ANKS1B: variants seen among roughly 807,000 people sequenced by gnomAD.
ANKS1B encodes ankyrin repeat and sterile alpha motif domain-containing protein 1B.
In ANKS1B, 36 loss-of-function variants were observed where a neutral mutation model predicts 148.3. The observed-to-expected ratio is 0.24, with a 90% CI of 0.19 to 0.32. The LOEUF is 0.32. ANKS1B is among the 10% of genes least tolerant of loss of function. The pLI is 1.00. For missense variants in ANKS1B, 1,157 were observed against 1,542.6 expected, an observed-to-expected ratio of 0.75 and a Z score of 4.19; for synonymous variants, 542 against 560.8, an observed-to-expected ratio of 0.97 and a Z score of 0.47.
intron 17 of ANKS1B, among the ~76,000 whole-genome samples, chr12:98,880,707 GCAGTGAGCCGAGATCGCGC>G (rs2099705249): frequency 6.6e-6 from 1 of 152,152 alleles, no homozygotes; most frequent in African/African-American, 2.4e-5. Flanking sequence ...GGCGGAGCTT[GCAGTGAGCCGAGATCGCGC>G]CACTGCACTC....
intron 11 of ANKS1B, among the ~76,000 whole-genome samples, chr12:99,409,453 A>T (rs928274015): frequency 6.6e-6 from 1 of 152,152 alleles, no homozygotes; most frequent in Non-Finnish European, 1.5e-5. Flanking sequence ...CAATATTATG[A>T]CTAGAGTCAG....
At chr12:99,296,041 T>A (rs566894145) in intron 12 of ANKS1B, among the ~76,000 whole-genome samples, 1 of 152,342 alleles carries the variant, frequency 6.6e-6, no homozygotes, top group South Asian at 2.1e-4. Context: ...TGAGTGCTTT[T>A]ATCCTTTTTT....
intron 20 of ANKS1B, among the ~76,000 whole-genome samples, chr12:98,803,552 G>T (rs1308101866): frequency 2.0e-5 from 3 of 152,192 alleles, no homozygotes; most frequent in Non-Finnish European, 4.4e-5. Flanking sequence ...GTCTGCTGAT[G>T]TGACAACTCA....
intron 9 of ANKS1B, among the ~76,000 whole-genome samples, chr12:99,621,123 C>T (rs78106990): frequency 0.011 from 1,633 of 152,076 alleles, 44 homozygotes; most frequent in African/African-American, 0.037. Context: ...AAATTCCAAC[C>T]AAGAATTTAA....
At chr12:99,339,098 C>T (rs1433390692) in intron 12 of ANKS1B, among the ~76,000 whole-genome samples, 1 of 152,098 alleles carries the variant, frequency 6.6e-6, no homozygotes, top group East Asian at 1.9e-4. Context: ...CTAAGATTTG[C>T]CCAGGAATTA....
At chr12:99,577,518 A>G (rs2153225581) in intron 9 of ANKS1B, among the ~76,000 whole-genome samples, 1 of 151,830 alleles carries the variant, frequency 6.6e-6, no homozygotes, top group Admixed American at 6.6e-5. Context: ...GATCCAAATA[A>G]AAACAATCAG....
rs542415482 is a variant in ANKS1B at position 99,553,291 on chromosome 12, C to T, written c.1273-48650G>A. Among the ~76,000 whole-genome samples the T allele has an allele frequency of 1.2e-3, 176 of 152,070 alleles. 1 individual carries two copies. Among genetic ancestry groups the T allele is most frequent in the South Asian group, 7.7e-3 (37 of 4,804 alleles). ...ATTAGGATAGCCCTCATCATTAAAC[C>T]CGGTTGGGGTTTGTTAATATTTTCC... On this transcript the variant is annotated intron_variant, in intron 9 of 26. Transcript: ENST00000683438.
chr12:99,213,706 C>T (rs2083698556), intron 14 of ANKS1B, among the ~76,000 whole-genome samples: 1 of 152,180 alleles, frequency 6.6e-6, no homozygotes, highest in Admixed American at 6.5e-5. Flanking sequence ...CCAGTTCTAA[C>T]ATGCCCATTT....
At chr12:99,818,974 C>T (rs1003986018) in intron 2 of ANKS1B, among the ~76,000 whole-genome samples, 13 of 151,768 alleles carry the variant, frequency 8.6e-5, no homozygotes, top group African/African-American at 3.1e-4. Context: ...AGCAAGATTC[C>T]CTGTAATTAA....
chr12:99,022,550 G>C (rs1161011605), intron 17 of ANKS1B, among the ~76,000 whole-genome samples: 1 of 151,848 alleles, frequency 6.6e-6, no homozygotes, highest in Non-Finnish European at 1.5e-5. Context: ...ATTATGTTTT[G>C]TTTCTTTCTT....
chr12:98,911,087 A>G (rs772917934), intron 17 of ANKS1B, among the ~76,000 whole-genome samples: 33 of 143,848 alleles, frequency 2.3e-4, no homozygotes, highest in Non-Finnish European at 2.3e-4. Flanking sequence ...TCTGGAGATA[A>G]AAATTCTGTG....
At chr12:98,869,900 C>T (rs2099644489) in intron 17 of ANKS1B, among the ~76,000 whole-genome samples, 1 of 152,146 alleles carries the variant, frequency 6.6e-6, no homozygotes, top group Admixed American at 6.5e-5. Context: ...ATAAAACCTT[C>T]TGTTTCACAT....
In ANKS1B at chr12:99,661,084, C is replaced by A. The variant is rs545506776; in HGVS notation, c.1129-5874G>T. 2.6e-5 allele frequency among the ~76,000 whole-genome samples: 4 copies of A among 152,158 alleles called. 1 individual carries two copies. The highest frequency in any genetic ancestry group is 9.6e-5 in the African/African-American group (4 of 41,502). The stretch of plus-strand genomic sequence containing the variant: ...AATAACAAAGGAATTCTTAACAGAA[C>A]CCGTTTAGTATTAAACAGGTTTTAC... On this transcript the variant is annotated intron_variant, in intron 8 of 26. Transcript: ENST00000683438.
intron 25 of ANKS1B, among the ~76,000 whole-genome samples, chr12:98,753,155 C>T (rs976880698): frequency 6.6e-6 from 1 of 152,206 alleles, no homozygotes; most frequent in African/African-American, 2.4e-5. Flanking sequence ...TTCTTTTCTT[C>T]CGACCTTCAA....
intron 12 of ANKS1B, among the ~76,000 whole-genome samples, chr12:99,356,160 A>G (rs1250091828): frequency 6.6e-6 from 1 of 152,130 alleles, no homozygotes; most frequent in East Asian, 1.9e-4. Context: ...TAGATGCCCA[A>G]CGAAGACGCT....
intron 9 of ANKS1B, chr12:99,648,786 AG>A: frequency 6.2e-7 from 1 of 1,609,312 alleles, no homozygotes; most frequent in Non-Finnish European, 8.5e-7. Context: ...AGAGGAGCCC[AG>A]TGGTGAGTCT....
At chr12:99,214,003 G>A (rs994456193) in intron 14 of ANKS1B, among the ~76,000 whole-genome samples, 5 of 152,108 alleles carry the variant, frequency 3.3e-5, no homozygotes, top group Non-Finnish European at 7.4e-5. Flanking sequence ...CTCAATGACC[G>A]AGCGAAAATT....
rs1243212957 is a variant in ANKS1B at position 99,430,049 on chromosome 12, GA to G, written c.1575+13623del. ...GCAACTTACTCACAAATAGTTCCAG[GA>G]AAAAAAAAAAAAGATCTTTAGAAAA... On this transcript the variant is annotated intron_variant, in intron 11 of 26. Coordinates refer to ENST00000683438, the MANE Select transcript of ANKS1B (RefSeq NM_001352186.2). 7.1e-3 allele frequency among the ~76,000 whole-genome samples: 965 copies of G among 136,212 alleles called. 4 individuals carry two copies. Among genetic ancestry groups the G allele is most frequent in the African/African-American group, 0.011 (421 of 37,668 alleles). 89.4% of individuals were successfully genotyped at this position (136,212 alleles called of 152,430 possible). A position where few individuals can be genotyped will look rare whatever the true frequency, so the allele number is the denominator to read the frequency against.
intron 14 of ANKS1B, among the ~76,000 whole-genome samples, chr12:99,189,191 C>T (rs1038903876): frequency 1.3e-5 from 2 of 152,104 alleles, no homozygotes; most frequent in African/African-American, 4.8e-5. Context: ...GAAATTGAGG[C>T]AGGAATGAAT....
Sources: gnomAD v4.1 joint callset for allele counts (sites outside exome capture counted in the v4.1 genomes callset) on GRCh38, gnomAD v4.1.1 for gene constraint, MANE v1.5 for transcripts, NCBI Gene and HGNC (gene_info 2026-07-23, HGNC 2026-07-21) for gene names.